The following SLC14A2 variants were observed in gnomAD, a reference collection of about 807,000 sequenced individuals.
SLC14A2 encodes the protein solute carrier family 14 member 2.
In SLC14A2, 91 loss-of-function variants were observed where a neutral mutation model predicts 104.6. The ratio of observed to expected loss-of-function variants is 0.87; its 90% CI spans 0.73 to 1.04. The LOEUF (loss-of-function observed/expected upper bound fraction) is 1.04. Among genes scored for constraint, SLC14A2 ranks in the 50% least tolerant of loss-of-function variants. The pLI is 0.00. For missense variants in SLC14A2, 1,189 were observed against 1,156.0 expected, an observed-to-expected ratio of 1.03 and a Z score of -0.41; for synonymous variants, 476 against 466.4, an observed-to-expected ratio of 1.02 and a Z score of -0.27.
chr18:45,242,496 G>T (rs1026538649), intron 1 of SLC14A2, among the ~76,000 whole-genome samples: 14 of 152,162 alleles, frequency 9.2e-5, no homozygotes, highest in Non-Finnish European at 7.4e-5. Context: ...TGGAGTTTAG[G>T]TTATTACTAA....
intron 1 of SLC14A2, among the ~76,000 whole-genome samples, chr18:45,258,999 C>T (rs1431064353): frequency 6.6e-6 from 1 of 152,200 alleles, no homozygotes; most frequent in Non-Finnish European, 1.5e-5. Context: ...GAGTGTGTCC[C>T]TTCATATGCT....
chr18:45,391,174 T>A (rs1226012384), intron 1 of SLC14A2, among the ~76,000 whole-genome samples: 1 of 151,652 alleles, frequency 6.6e-6, no homozygotes, highest in East Asian at 1.9e-4. Context: ...GAACATGTGG[T>A]GTTTGGTTTT....
intron 1 of SLC14A2, among the ~76,000 whole-genome samples, chr18:45,233,505 A>G (rs375875823): frequency 6.6e-6 from 1 of 152,084 alleles, no homozygotes; most frequent in South Asian, 2.1e-4. Context: ...AAAGTCCCCT[A>G]TTTCATGGTC....
intron 2 of SLC14A2, among the ~76,000 whole-genome samples, chr18:45,555,802 G>C (rs2044124928): frequency 6.6e-6 from 1 of 152,202 alleles, no homozygotes; most frequent in Non-Finnish European, 1.5e-5. Context: ...TAACATTAAA[G>C]AAACAGCAAG....
At chr18:45,277,441 CAG>C (rs2084714138) in intron 1 of SLC14A2, among the ~76,000 whole-genome samples, 1 of 151,654 alleles carries the variant, frequency 6.6e-6, no homozygotes, top group South Asian at 2.1e-4. Context: ...TTTTTAGAAA[CAG>C]GGTATTGAAG....
chr18:45,285,661 GCCCC>G (rs10536916), intron 1 of SLC14A2, among the ~76,000 whole-genome samples: 8,118 of 125,122 alleles, frequency 0.065, 478 homozygotes, highest in South Asian at 0.13. Flanking sequence ...CAGGTGATCT[GCCCC>G]CCCCCCCCCT....
chr18:45,288,654 A>G (rs2084839258), intron 1 of SLC14A2, among the ~76,000 whole-genome samples: 1 of 152,208 alleles, frequency 6.6e-6, no homozygotes, highest in East Asian at 1.9e-4. Context: ...AGCTGCAGAA[A>G]TGGGAAGAAT....
intron 1 of SLC14A2, among the ~76,000 whole-genome samples, chr18:45,225,804 G>C (rs1421569782): frequency 6.6e-6 from 1 of 152,124 alleles, no homozygotes; most frequent in Non-Finnish European, 1.5e-5. Flanking sequence ...TGTTATTGGT[G>C]TATAGGAATT....
intron 1 of SLC14A2, among the ~76,000 whole-genome samples, chr18:45,304,373 C>T (rs189785318): frequency 8.5e-5 from 13 of 152,316 alleles, no homozygotes; most frequent in Admixed American, 5.9e-4. Context: ...GGTTCTCCTT[C>T]ATGGACAAGG....
At chr18:45,403,898 C>G (rs540709987) in intron 1 of SLC14A2, among the ~76,000 whole-genome samples, 1 of 152,182 alleles carries the variant, frequency 6.6e-6, no homozygotes, top group Non-Finnish European at 1.5e-5. Flanking sequence ...TGTGACTTGA[C>G]TGTATTCAAC....
intron 1 of SLC14A2, among the ~76,000 whole-genome samples, chr18:45,261,822 G>C (rs899823056): frequency 1.3e-5 from 2 of 152,148 alleles, no homozygotes; most frequent in Non-Finnish European, 2.9e-5. Flanking sequence ...GGACATTTGG[G>C]TTGGTTCCAA....
At chr18:45,577,407 G>T (rs2044431613) in intron 2 of SLC14A2, among the ~76,000 whole-genome samples, 1 of 152,040 alleles carries the variant, frequency 6.6e-6, no homozygotes. Context: ...AGTCACTAAG[G>T]CCAGCCCATA....
intron 1 of SLC14A2, among the ~76,000 whole-genome samples, chr18:45,434,875 T>G (rs200602884): frequency 3.9e-5 from 6 of 152,228 alleles, no homozygotes; most frequent in East Asian, 1.9e-4. Flanking sequence ...TTTTAAACTT[T>G]AAAATTGTTT....
At chr18:45,623,652 G>A (rs1392467371) in intron 1 of SLC14A2, among the ~76,000 whole-genome samples, 1 of 152,096 alleles carries the variant, frequency 6.6e-6, no homozygotes, top group African/African-American at 2.4e-5. Context: ...CCTTTTGAAG[G>A]GAATCCTGCA....
At chr18:45,570,208 T>C (rs920198582) in intron 2 of SLC14A2, among the ~76,000 whole-genome samples, 3 of 152,146 alleles carry the variant, frequency 2.0e-5, no homozygotes, top group Non-Finnish European at 2.9e-5. Flanking sequence ...CCATCCCTAA[T>C]TTTCCATGTG....
intron 4 of SLC14A2, among the ~76,000 whole-genome samples, chr18:45,628,273 A>G (rs2045292654): frequency 6.6e-6 from 1 of 152,068 alleles, no homozygotes; most frequent in Admixed American, 6.6e-5. Flanking sequence ...GTGAAACCCC[A>G]TCTCTACTAA....
intron 1 of SLC14A2, among the ~76,000 whole-genome samples, chr18:45,465,272 C>T (rs2087119742): frequency 6.6e-6 from 1 of 152,282 alleles, no homozygotes. Flanking sequence ...AGCAGTGCCT[C>T]CAGAATCAAT....
At chr18:45,644,946 C>A (rs6507630) in intron 10 of SLC14A2, among the ~76,000 whole-genome samples, 1 of 151,910 alleles carries the variant, frequency 6.6e-6, no homozygotes, top group Non-Finnish European at 1.5e-5. Flanking sequence ...TTTGCTGCAC[C>A]TATCAACCCG....
At position 45,683,363 on chromosome 18, in the gene SLC14A2, TTC is replaced by T. The variant is rs1005566972; in HGVS notation, c.*853_*854del. On this transcript the variant is annotated 3_prime_UTR_variant, in exon 20 of 20. Coordinates refer to ENST00000255226, the MANE Select transcript of SLC14A2 (RefSeq NM_007163.4). Reference sequence around the variant, plus strand: ...CTTTCCACCTCAGAAGTGTTGATTATTCTCTCTCTCCTATAATCTGATGAAAT... The same window carrying T: ...CTTTCCACCTCAGAAGTGTTGATTATTCTCTCTCCTATAATCTGATGAAAT... The T allele has an allele frequency of 2.0e-5, 3 of 152,192 alleles. No individual in the cohort carries two copies. Among genetic ancestry groups the T allele is most frequent in the Non-Finnish European group, 4.4e-5 (3 of 68,048 alleles). The allele number at this position is 152,192 out of a possible 1,614,324, so 9.4% of individuals were successfully genotyped here.
Sources: allele counts gnomAD v4.1 joint callset (sites outside exome capture counted in the v4.1 genomes callset), GRCh38; gene constraint gnomAD v4.1.1; transcripts MANE v1.5; gene names NCBI Gene and HGNC (gene_info 2026-07-23, HGNC 2026-07-21).